TENM4: variants seen among roughly 807,000 people sequenced by gnomAD.
TENM4 encodes the protein teneurin transmembrane protein 4.
A neutral mutation model predicts 243.3 loss-of-function variants in TENM4; 82 were observed. The ratio of observed to expected loss-of-function variants is 0.34; its 90% CI spans 0.28 to 0.40. The LOEUF is 0.40. Ranked by LOEUF, TENM4 falls within the 10% of genes least tolerant of loss-of-function variation. TENM4 has a pLI of 1.00. For missense variants in TENM4, 3,138 were observed against 3,673.3 expected (o/e 0.85, Z 3.77); for synonymous variants, 1,412 against 1,456.3 (o/e 0.97, Z 0.69).
intron 12 of TENM4, among the ~76,000 whole-genome samples, chr11:78,852,276 C>T (rs1858557974): frequency 1.3e-5 from 2 of 152,218 alleles, no homozygotes; most frequent in Admixed American, 1.3e-4. Context: ...GTATTTAGAG[C>T]AGAAGCTTTT....
chr11:79,418,867 A>C (rs1858873650), intron 1 of TENM4, among the ~76,000 whole-genome samples: 1 of 152,192 alleles, frequency 6.6e-6, no homozygotes, highest in African/African-American at 2.4e-5. Context: ...GCACTTTTAC[A>C]GTGCCTGGAA....
intron 2 of TENM4, among the ~76,000 whole-genome samples, chr11:79,282,483 G>A (rs549633901): frequency 6.7e-4 from 102 of 152,210 alleles, no homozygotes; most frequent in Non-Finnish European, 1.4e-3. Flanking sequence ...CTTTACTGCA[G>A]AGAAACTGCT....
At chr11:79,260,456 T>TA (rs1304123285) in intron 2 of TENM4, among the ~76,000 whole-genome samples, 6 of 152,184 alleles carry the variant, frequency 3.9e-5, no homozygotes, top group African/African-American at 2.4e-5. Flanking sequence ...ACAATCACCT[T>TA]AAAAAATAGA....
Position 79,139,777 on chromosome 11 carries a change from A to AATATATATATATATTATAT in TENM4, c.-66+8932_-66+8933insATATAATATATATATATAT, listed in dbSNP as rs1231182496. On this transcript the variant is annotated intron_variant, in intron 4 of 33. Transcript: ENST00000278550. ...ATATATTATATTTATATAAATATAT[A>AATATATATATATATTATAT]ATATATATTATATTTATATAAATAT... is the stretch of plus-strand genomic sequence containing the variant. Among the ~76,000 whole-genome samples the AATATATATATATATTATAT allele has an allele frequency of 4.9e-4, 13 of 26,796 alleles. 2 individuals carry two copies. The highest frequency in any genetic ancestry group is 4.9e-4 in the Non-Finnish European group (8 of 16,310). 17.6% of individuals were successfully genotyped at this position (26,796 alleles called of 152,430 possible).
intron 3 of TENM4, among the ~76,000 whole-genome samples, chr11:79,174,732 C>T (rs543911825): frequency 2.0e-5 from 3 of 152,148 alleles, no homozygotes; most frequent in East Asian, 1.9e-4. Flanking sequence ...TAGGAAGGCA[C>T]GACTCCTTTG....
chr11:79,197,104 A>T (rs1229170804), intron 3 of TENM4, among the ~76,000 whole-genome samples: 1 of 152,178 alleles, frequency 6.6e-6, no homozygotes, highest in African/African-American at 2.4e-5. Flanking sequence ...TAGGGCTGGC[A>T]CTGGTTTCTC....
chr11:78,875,677 T>C (rs1372042310), intron 9 of TENM4, among the ~76,000 whole-genome samples: 2 of 152,214 alleles, frequency 1.3e-5, no homozygotes, highest in Non-Finnish European at 2.9e-5. Context: ...TTTGGACATA[T>C]CATTTAACCT....
chr11:79,264,660 G>A (rs544832760), intron 2 of TENM4, among the ~76,000 whole-genome samples: 10 of 152,172 alleles, frequency 6.6e-5, no homozygotes, highest in Admixed American at 3.3e-4. Context: ...TCTCTGGGCC[G>A]TGGTTTCCCA....
At chr11:79,437,405 GGGGACGGGAGAAAGGCGCGGCC>G (rs1390936708) in intron 1 of TENM4, among the ~76,000 whole-genome samples, 2 of 152,180 alleles carry the variant, frequency 1.3e-5, no homozygotes, top group African/African-American at 4.8e-5. Flanking sequence ...CGGCCGGGCC[GGGGACGGGAGAAAGGCGCGGCC>G]GGGACCCTGC....
At chr11:79,162,513 C>T (rs1217451104) in intron 3 of TENM4, among the ~76,000 whole-genome samples, 1 of 151,476 alleles carries the variant, frequency 6.6e-6, no homozygotes, top group African/African-American at 2.4e-5. Flanking sequence ...CTGTCTGACT[C>T]CTCTATGTCT....
At chr11:79,255,377 T>A (rs1409632474) in intron 2 of TENM4, among the ~76,000 whole-genome samples, 2 of 152,122 alleles carry the variant, frequency 1.3e-5, no homozygotes, top group Non-Finnish European at 1.5e-5. Flanking sequence ...CTTACATAGA[T>A]CCCTGCAAGC....
At chr11:79,304,940 T>C (rs1856603150) in intron 1 of TENM4, among the ~76,000 whole-genome samples, 1 of 152,244 alleles carries the variant, frequency 6.6e-6, no homozygotes, top group African/African-American at 2.4e-5. Flanking sequence ...GGTTGCCTCA[T>C]ACTGTCACTT....
intron 18 of TENM4, among the ~76,000 whole-genome samples, chr11:78,757,248 G>A (rs895097008): frequency 6.6e-6 from 1 of 152,214 alleles, no homozygotes; most frequent in Non-Finnish European, 1.5e-5. Context: ...TACAGTGTCT[G>A]TACTGTATGT....
chr11:78,807,710 T>G (rs960177084), intron 14 of TENM4, among the ~76,000 whole-genome samples: 17 of 152,146 alleles, frequency 1.1e-4, no homozygotes, highest in African/African-American at 3.6e-4. Flanking sequence ...ATGTAGCTGT[T>G]GGAGAAAGGG....
At chr11:79,181,205 A>G (rs1334757383) in intron 3 of TENM4, among the ~76,000 whole-genome samples, 1 of 152,172 alleles carries the variant, frequency 6.6e-6, no homozygotes, top group Non-Finnish European at 1.5e-5. Context: ...AAATATTAGC[A>G]AATAAAATCC....
At chr11:78,763,754 T>G (rs946930522) in intron 18 of TENM4, among the ~76,000 whole-genome samples, 35 of 152,324 alleles carry the variant, frequency 2.3e-4, no homozygotes, top group African/African-American at 7.7e-4. Context: ...CGAGACGCAA[T>G]TTGCTCCTGT....
intron 6 of TENM4, among the ~76,000 whole-genome samples, chr11:79,040,868 A>G (rs1859505215): frequency 6.6e-6 from 1 of 152,202 alleles, no homozygotes; most frequent in East Asian, 1.9e-4. Flanking sequence ...TTTAAAATGC[A>G]GATTCCCAAG....
chr11:79,137,745 AT>A (rs1176454528), intron 4 of TENM4, among the ~76,000 whole-genome samples: 1 of 152,182 alleles, frequency 6.6e-6, no homozygotes, highest in Non-Finnish European at 1.5e-5. Context: ...TCACGTCAAC[AT>A]TTAAGTGTTG....
intron 6 of TENM4, among the ~76,000 whole-genome samples, chr11:78,984,153 T>A (rs116967017): frequency 0.014 from 2,179 of 152,302 alleles, 52 homozygotes; most frequent in African/African-American, 0.041. Flanking sequence ...TCTCTGCGTC[T>A]TACTTTGTAA....
Sources: gnomAD v4.1 joint callset for allele counts (sites outside exome capture counted in the v4.1 genomes callset) on GRCh38, gnomAD v4.1.1 for gene constraint, MANE v1.5 for transcripts, NCBI Gene and HGNC (gene_info 2026-07-23, HGNC 2026-07-21) for gene names.